Variants in CYP20A1 observed in about 807,000 individuals in gnomAD.
CYP20A1 encodes the protein cytochrome P450 family 20 subfamily A member 1, also known as cytochrome P450 20A1.
CYP20A1 carries 61 observed loss-of-function variants against 61.4 expected under a neutral mutation model. The observed-to-expected ratio is 0.99, with a 90% CI of 0.81 to 1.23. CYP20A1 has a LOEUF of 1.23. Among genes scored for constraint, CYP20A1 ranks in the 50% most tolerant of loss-of-function variants. The pLI, the probability that CYP20A1 is intolerant of heterozygous loss-of-function variation, is 0.00. For missense variants in CYP20A1, 530 were observed against 542.4 expected, an observed-to-expected ratio of 0.98 and a Z score of 0.23; for synonymous variants, 193 against 188.2, an observed-to-expected ratio of 1.03 and a Z score of -0.21.
chr2:203,287,779 T>C (rs1434945912), intron 9 of CYP20A1, among the ~76,000 whole-genome samples: 1 of 152,136 alleles, frequency 6.6e-6, no homozygotes, highest in Non-Finnish European at 1.5e-5. Flanking sequence ...AAGCTGGGCC[T>C]TGTGTACTCC....
At chr2:203,275,926 C>T (rs2067801971) in intron 6 of CYP20A1, among the ~76,000 whole-genome samples, 1 of 152,032 alleles carries the variant, frequency 6.6e-6, no homozygotes, top group Admixed American at 6.6e-5. Flanking sequence ...CTGAATAGTA[C>T]ATTAAAAGGT....
At chr2:203,239,263 G>C in intron 1 of CYP20A1, 129 bp downstream of exon 1, 1 of 763,936 alleles carries the variant, frequency 1.3e-6, no homozygotes, top group South Asian at 1.5e-5. Context: ...GTTCGCTCCA[G>C]AGCTTCAGCG....
rs148045812 is a variant in CYP20A1 at position 203,266,570 on chromosome 2, C to G, written c.489C>G (p.Pro163=). Residue 163 remains proline (P), a synonymous_variant, in exon 5 of 13, where the codon CCC becomes CCG. Transcript: ENST00000356079. ...WLSYPETQHV[P]LSQHMLGFAM... ...CCTACCCAGAGACCCAGCACGTGCC[C>G]CTCAGCCAGCATATGCTTGGTTTTG... 3.9e-5 allele frequency: 63 copies of G among 1,613,822 alleles called. 1 individual carries two copies. Among genetic ancestry groups the G allele is most frequent in the South Asian group, 2.0e-4 (18 of 91,080 alleles).
At chr2:203,261,771 A>G (rs1032828509) in intron 4 of CYP20A1, among the ~76,000 whole-genome samples, 3 of 151,860 alleles carry the variant, frequency 2.0e-5, no homozygotes, top group African/African-American at 7.3e-5. Context: ...ATGGTGCCAT[A>G]TTAGCAAAAC....
In CYP20A1 at chr2:203,305,878, A is replaced by G. The variant is rs1007233891; in HGVS notation, c.*8970A>G. ...AAAAAATTCAGAAGCCAAGCTATCC[A>G]TAAAGCTACTTTGTGATGTGCTGAA... On this transcript the variant is annotated 3_prime_UTR_variant, in exon 13 of 13. Transcript: ENST00000356079. Among the ~76,000 whole-genome samples, 2 of 152,238 alleles carry G rather than the reference A, an allele frequency of 1.3e-5. No homozygotes were observed. The highest frequency in any genetic ancestry group is 2.9e-5 in the Non-Finnish European group (2 of 68,044).
At chr2:203,279,736 G>C (rs2067968613) in intron 7 of CYP20A1, among the ~76,000 whole-genome samples, 1 of 152,130 alleles carries the variant, frequency 6.6e-6, no homozygotes, top group African/African-American at 2.4e-5. Flanking sequence ...TACCAAAGTA[G>C]ATCATGAACC....
At chr2:203,253,484 T>G (rs895782035) in intron 4 of CYP20A1, among the ~76,000 whole-genome samples, 1 of 152,188 alleles carries the variant, frequency 6.6e-6, no homozygotes, top group Non-Finnish European at 1.5e-5. Flanking sequence ...GAGACTGATA[T>G]GGAGAACAGG....
rs185454858 is a variant in CYP20A1, at chr2:203,302,754, G to A, written c.*5846G>A. ...TGTCACCAGGCTGGAATGCAGTGGC[G>A]TGATCTCGGCTCACTGCAACCTCTG... On this transcript the variant is annotated 3_prime_UTR_variant, in exon 13 of 13. Coordinates refer to ENST00000356079, the MANE Select transcript of CYP20A1 (RefSeq NM_177538.3). Among the ~76,000 whole-genome samples the A allele has an allele frequency of 1.6e-4, 24 of 152,124 alleles. No individual in the cohort carries two copies. Among genetic ancestry groups the A allele is most frequent in the Admixed American group, 6.6e-4 (10 of 15,262 alleles).
rs2069139627 is a variant in CYP20A1, at chr2:203,304,296, C to CT, written c.*7388_*7389insT. On this transcript the variant is annotated 3_prime_UTR_variant, in exon 13 of 13. Transcript: ENST00000356079. ...CACTACAACCTCCATCTCCCCAGTT[C>CT]AAGCGATTCTCCTGCCTCAGCCTCC... Among the ~76,000 whole-genome samples, 1 of 152,150 alleles carries CT rather than the reference C, an allele frequency of 6.6e-6. No homozygotes were observed. The highest frequency in any genetic ancestry group is 2.1e-4 in the South Asian group (1 of 4,828).
intron 5 of CYP20A1, among the ~76,000 whole-genome samples, chr2:203,269,568 C>T (rs2067477609): frequency 6.6e-6 from 1 of 150,982 alleles, no homozygotes; most frequent in African/African-American, 2.4e-5. Context: ...AATCTCGGCT[C>T]ACTGCAACCT....
chr2:203,295,230 C>A (rs2068739162), intron 11 of CYP20A1, among the ~76,000 whole-genome samples: 1 of 151,920 alleles, frequency 6.6e-6, no homozygotes, highest in East Asian at 2.0e-4. Flanking sequence ...CAGGCGTGAG[C>A]CACCGCGCCT....
rs1435890083 is a variant in CYP20A1, at chr2:203,239,059, A to AG, written c.-4_-3insG. The AG allele has an allele frequency of 2.5e-6, 4 of 1,613,532 alleles. No individual in the cohort carries two copies. Among genetic ancestry groups the AG allele is most frequent in the Admixed American group, 1.7e-5 (1 of 60,024 alleles). On this transcript the variant is annotated 5_prime_UTR_variant, in exon 1 of 13. Transcript: ENST00000356079. ...CGAGACGTGGCTCCCTGGGCGGCAG[A>AG]ACCATGTTGGACTTCGCGATCTTCG...
rs11304494 is a variant in CYP20A1, at chr2:203,305,194, C to CTTTTT, written c.*8307_*8311dup. 8.8e-5 allele frequency among the ~76,000 whole-genome samples: 5 copies of CTTTTT among 56,892 alleles called. No homozygotes were observed. Among genetic ancestry groups the CTTTTT allele is most frequent in the Admixed American group, 2.9e-4 (1 of 3,426 alleles). The allele number at this position is 56,892 out of a possible 152,430, so 37.3% of individuals were successfully genotyped here. Reference sequence around the variant, plus strand: ...AATTGGTTTACAGTTCGGTGGCTGTCTTTTTTTTTTTTTTTTTTTTTTTTT... The same window carrying CTTTTT: ...AATTGGTTTACAGTTCGGTGGCTGTCTTTTTTTTTTTTTTTTTTTTTTTTTTTTTT... On this transcript the variant is annotated 3_prime_UTR_variant, in exon 13 of 13. Coordinates refer to ENST00000356079, the MANE Select transcript of CYP20A1 (RefSeq NM_177538.3).
intron 7 of CYP20A1, 37 bp downstream of exon 7, chr2:203,278,725 T>C (rs773512715): frequency 8.4e-7 from 1 of 1,186,244 alleles, no homozygotes; most frequent in Non-Finnish European, 1.2e-6. Flanking sequence ...GGTAAAAAAA[T>C]AAGCCAGAGC....
At chr2:203,242,644 CATG>C (rs1252595861) in intron 1 of CYP20A1, among the ~76,000 whole-genome samples, 12 of 151,924 alleles carry the variant, frequency 7.9e-5, no homozygotes, top group Admixed American at 1.3e-4. Flanking sequence ...ATAAATAAGA[CATG>C]GTGGTGAGCG....
intron 4 of CYP20A1, among the ~76,000 whole-genome samples, chr2:203,253,059 G>A (rs946952009): frequency 2.0e-5 from 3 of 151,870 alleles, no homozygotes; most frequent in African/African-American, 7.3e-5. Flanking sequence ...CCACTCTCAC[G>A]TCCTGTGTTG....
chr2:203,256,550 G>C (rs1452316237), intron 4 of CYP20A1, among the ~76,000 whole-genome samples: 1 of 151,860 alleles, frequency 6.6e-6, no homozygotes, highest in Non-Finnish European at 1.5e-5. Context: ...GTAGAGGCAG[G>C]GTTTCGCCAT....
intron 12 of CYP20A1, 91 bp downstream of exon 12, chr2:203,296,654 T>A: frequency 1.4e-6 from 2 of 1,403,296 alleles, no homozygotes; most frequent in South Asian, 2.8e-5. Flanking sequence ...GTATTATTTT[T>A]TTATTATTAT....
chr2:203,258,860 A>T (rs1268386566), intron 4 of CYP20A1, among the ~76,000 whole-genome samples: 1 of 152,208 alleles, frequency 6.6e-6, no homozygotes, highest in African/African-American at 2.4e-5. Context: ...AGCACTCACC[A>T]GTCAGAATCT....
Sources: allele counts gnomAD v4.1 joint callset (sites outside exome capture counted in the v4.1 genomes callset), GRCh38; gene constraint gnomAD v4.1.1; transcripts MANE v1.5; gene names NCBI Gene and HGNC (gene_info 2026-07-23, HGNC 2026-07-21).